DIP2B: variants seen among roughly 807,000 people sequenced by gnomAD.
DIP2B encodes the protein disco-interacting protein 2 homolog B.
In DIP2B, 76 loss-of-function variants were observed where a neutral mutation model predicts 198.0. That is an observed-to-expected ratio of 0.38 (90% confidence interval 0.32 to 0.46). The LOEUF is 0.46. Ranked by LOEUF, DIP2B falls within the 20% of genes least tolerant of loss-of-function variation. The probability of loss-of-function intolerance (pLI) is 0.99; values close to 1 mark genes in which losing one functional copy is unlikely to be tolerated. For missense variants in DIP2B, 1,559 were observed against 1,978.4 expected (o/e 0.79, Z 4.02); for synonymous variants, 701 against 739.1 (o/e 0.95, Z 0.84).
At chr12:50,712,034 C>T (rs145085855) in intron 22 of DIP2B, among the ~76,000 whole-genome samples, 22 of 152,186 alleles carry the variant, frequency 1.4e-4, no homozygotes, top group South Asian at 4.1e-4. Flanking sequence ...ATTAGCTAGA[C>T]GCCACTGCCT....
At chr12:50,605,811 T>TAGGATTACAGGCATGAGCCACCGCAC (rs1958976210) in intron 1 of DIP2B, among the ~76,000 whole-genome samples, 1 of 152,114 alleles carries the variant, frequency 6.6e-6, no homozygotes, top group Non-Finnish European at 1.5e-5. Context: ...TATTTCCTGC[T>TAGGATTACAGGCATGAGCCACCGCAC]CTGCCTTTTC....
intron 1 of DIP2B, among the ~76,000 whole-genome samples, chr12:50,534,343 G>A (rs929939199): frequency 1.0e-4 from 15 of 150,244 alleles, no homozygotes; most frequent in Non-Finnish European, 1.9e-4. Context: ...CCCAATGACT[G>A]GACTCTTTTT....
At position 50,622,210 on chromosome 12, in the gene DIP2B, T is replaced by G. The variant is rs151186155; in HGVS notation, c.101-3766T>G. On this transcript the variant is annotated intron_variant, in intron 1 of 37. Transcript: ENST00000301180. The stretch of plus-strand genomic sequence containing the variant: ...AAAAGACATGGTTTCCTGTTTCTAA[T>G]GACGGTTTACTTGGTAGGCTTCTGT... Among the ~76,000 whole-genome samples the G allele has an allele frequency of 2.7e-3, 412 of 152,340 alleles. 3 individuals carry two copies. The highest frequency in any genetic ancestry group is 9.5e-3 in the African/African-American group (394 of 41,568).
At chr12:50,653,926 T>G (rs1938509659) in intron 3 of DIP2B, among the ~76,000 whole-genome samples, 1 of 152,190 alleles carries the variant, frequency 6.6e-6, no homozygotes, top group African/African-American at 2.4e-5. Flanking sequence ...CAGGCTGGAG[T>G]GCAGTGGCGT....
chr12:50,597,135 A>G (rs368329365), intron 1 of DIP2B, among the ~76,000 whole-genome samples: 5 of 152,318 alleles, frequency 3.3e-5, no homozygotes, highest in African/African-American at 7.2e-5. Flanking sequence ...ACTCCACTAC[A>G]CAAACTCTTC....
At chr12:50,591,906 C>A (rs1266614448) in intron 1 of DIP2B, among the ~76,000 whole-genome samples, 2 of 145,554 alleles carry the variant, frequency 1.4e-5, no homozygotes, top group African/African-American at 2.5e-5. Context: ...GAGATGGAGT[C>A]TTGCACTGTT....
chr12:50,591,504 CT>C (rs751136294), intron 1 of DIP2B, among the ~76,000 whole-genome samples: 1 of 152,092 alleles, frequency 6.6e-6, no homozygotes, highest in Non-Finnish European at 1.5e-5. Flanking sequence ...GTGGCATGAT[CT>C]CAGCTCACTG....
chr12:50,722,918 C>T (rs1377440239), intron 26 of DIP2B, among the ~76,000 whole-genome samples: 1 of 152,158 alleles, frequency 6.6e-6, no homozygotes, highest in Non-Finnish European at 1.5e-5. Context: ...GTTATTCCTC[C>T]TGAGTAATAT....
intron 3 of DIP2B, among the ~76,000 whole-genome samples, chr12:50,648,308 A>G (rs1483477080): frequency 6.6e-6 from 1 of 152,102 alleles, no homozygotes; most frequent in Non-Finnish European, 1.5e-5. Context: ...TTTACTGGCC[A>G]TTTGTGCTTC....
chr12:50,562,464 G>A (rs1035524719), intron 1 of DIP2B, among the ~76,000 whole-genome samples: 1 of 152,068 alleles, frequency 6.6e-6, no homozygotes, highest in African/African-American at 2.4e-5. Context: ...GTCGGGCACG[G>A]TGGCTCATGC....
At chr12:50,731,917 G>A (rs1024454577) in intron 31 of DIP2B, among the ~76,000 whole-genome samples, 8 of 152,222 alleles carry the variant, frequency 5.3e-5, no homozygotes, top group Admixed American at 2.0e-4. Flanking sequence ...ATTGATTCAT[G>A]TGTGTGTCAA....
At chr12:50,651,236 A>G (rs1039463407) in intron 3 of DIP2B, among the ~76,000 whole-genome samples, 1 of 152,140 alleles carries the variant, frequency 6.6e-6, no homozygotes, top group Non-Finnish European at 1.5e-5. Context: ...TTAACGCCCT[A>G]CCCAATATAT....
chr12:50,512,163 G>C (rs1292597240), intron 1 of DIP2B, among the ~76,000 whole-genome samples: 2 of 141,736 alleles, frequency 1.4e-5, no homozygotes, highest in Non-Finnish European at 3.0e-5. Flanking sequence ...CTGGAGTACA[G>C]TGGCGTGATC....
chr12:50,673,416 G>T (rs909542995), intron 5 of DIP2B, among the ~76,000 whole-genome samples: 1 of 152,188 alleles, frequency 6.6e-6, no homozygotes, highest in Non-Finnish European at 1.5e-5. Flanking sequence ...AAACTATGTG[G>T]TGTTTTTTGT....
chr12:50,714,505 C>A lies in DIP2B; in HGVS notation c.2760C>A (p.Leu920=). 6.2e-7 allele frequency: 1 copy of A among 1,614,180 alleles called. No homozygotes were observed. Among genetic ancestry groups the A allele is most frequent in the Non-Finnish European group, 8.5e-7 (1 of 1,180,032 alleles). The change falls in exon 23 of 38, where the codon CTC becomes CTA. Residue 920 remains leucine, a synonymous_variant. Transcript: ENST00000301180. ...TCCATATATCTCAGACGAAACAACT[C>A]TTTCTGGAGGGATCACTGCATCCTT... ...GGIHISQTKQ[L]FLEGSLHPCN...
intron 14 of DIP2B, among the ~76,000 whole-genome samples, chr12:50,694,189 T>A (rs1334389236): frequency 1.3e-5 from 2 of 152,112 alleles, no homozygotes; most frequent in Non-Finnish European, 2.9e-5. Flanking sequence ...GCAGTGTCTG[T>A]TAGCATTTTA....
chr12:50,597,081 G>C, intron 1 of DIP2B, among the ~76,000 whole-genome samples: 1 of 151,826 alleles, frequency 6.6e-6, no homozygotes, highest in East Asian at 1.9e-4. Flanking sequence ...GGCCTTTTAG[G>C]CAAAACAAGA....
intron 1 of DIP2B, among the ~76,000 whole-genome samples, chr12:50,556,020 T>C (rs1958467524): frequency 6.6e-6 from 1 of 152,140 alleles, no homozygotes; most frequent in African/African-American, 2.4e-5. Context: ...TTCTTCTTGC[T>C]ATCTATTGTC....
chr12:50,637,948 C>T (rs1375804797), intron 2 of DIP2B, among the ~76,000 whole-genome samples: 7 of 152,090 alleles, frequency 4.6e-5, no homozygotes, highest in Admixed American at 1.3e-4. Context: ...ATTTTTCTGC[C>T]AAGGAACAAT....
Sources: gnomAD v4.1 joint callset for allele counts (sites outside exome capture counted in the v4.1 genomes callset) on GRCh38, gnomAD v4.1.1 for gene constraint, MANE v1.5 for transcripts, NCBI Gene and HGNC (gene_info 2026-07-23, HGNC 2026-07-21) for gene names.